SHISA6: variants seen among roughly 807,000 people sequenced by gnomAD.
The protein encoded by SHISA6 is protein shisa-6.
SHISA6 carries 22 observed loss-of-function variants against 47.9 expected under a neutral mutation model. The observed-to-expected ratio is 0.46, with a 90% CI of 0.33 to 0.66. The LOEUF (loss-of-function observed/expected upper bound fraction) is 0.66, where lower values mean the gene tolerates loss of function less well. Among genes scored for constraint, SHISA6 ranks in the 30% least tolerant of loss-of-function variants. SHISA6 has a pLI of 0.02. For missense variants in SHISA6, 680 were observed against 764.6 expected, an observed-to-expected ratio of 0.89 and a Z score of 1.30; for synonymous variants, 388 against 337.8, an observed-to-expected ratio of 1.15 and a Z score of -1.63.
At chr17:11,461,941 T>A (rs1349217842) in intron 3 of SHISA6, among the ~76,000 whole-genome samples, 1 of 152,120 alleles carries the variant, frequency 6.6e-6, no homozygotes, top group African/African-American at 2.4e-5. Flanking sequence ...TACAGAAAAT[T>A]TAAAAATATA....
rs370006125 is a variant in SHISA6 at position 11,509,618 on chromosome 17, C to T, written c.896-42278C>T. ...CCTTGGCCTCCCAGTCTCTCCAAAA[C>T]TCCTGCCCTAACTGAAGGTCTTTTG... On this transcript the variant is annotated intron_variant, in intron 3 of 5. Coordinates refer to ENST00000441885, the MANE Select transcript of SHISA6 (RefSeq NM_207386.4). Among the ~76,000 whole-genome samples the T allele has an allele frequency of 4.6e-5, 7 of 152,190 alleles. No homozygotes were observed. The East Asian group carries it at 5.8e-4, about 13-fold the overall frequency.
At chr17:11,556,186 G>C (rs535540988) in intron 5 of SHISA6, among the ~76,000 whole-genome samples, 2 of 152,256 alleles carry the variant, frequency 1.3e-5, no homozygotes, top group Non-Finnish European at 2.9e-5. Flanking sequence ...CCTTCTCCCA[G>C]TCCCGCACGC....
chr17:11,502,408 C>CAAA (rs33980148), intron 3 of SHISA6, among the ~76,000 whole-genome samples: 735 of 33,890 alleles, frequency 0.022, 48 homozygotes, highest in Non-Finnish European at 0.025. Flanking sequence ...GACTCCGTCT[C>CAAA]AAAAAAAAAA....
intron 2 of SHISA6, among the ~76,000 whole-genome samples, chr17:11,351,404 C>G (rs1209534535): frequency 6.6e-6 from 1 of 152,180 alleles, no homozygotes; most frequent in Non-Finnish European, 1.5e-5. Context: ...AAACAATTAT[C>G]TACATATTGT....
intron 2 of SHISA6, among the ~76,000 whole-genome samples, chr17:11,274,258 C>G (rs1908792704): frequency 6.6e-6 from 1 of 152,220 alleles, no homozygotes; most frequent in African/African-American, 2.4e-5. Flanking sequence ...GCTCACTAAT[C>G]ACTCACCCCT....
At position 11,559,174 on chromosome 17, in the gene SHISA6, C is replaced by T. The variant is rs2072015134; in HGVS notation, c.*870C>T. The T allele has an allele frequency of 6.5e-6, 1 of 152,680 alleles. No homozygotes were observed. Among genetic ancestry groups the T allele is most frequent in the Non-Finnish European group, 1.5e-5 (1 of 68,376 alleles). The allele number at this position is 152,680 out of a possible 1,614,324, so 9.5% of individuals were successfully genotyped here. A position where few individuals can be genotyped will look rare whatever the true frequency, so the allele number is the denominator to read the frequency against. Reference sequence around the variant, plus strand: ...AGTAGCAATGGGGTGCTGGCCCTCCCAGACACCCGATCATCTCCGCACTCC... The same window carrying T: ...AGTAGCAATGGGGTGCTGGCCCTCCTAGACACCCGATCATCTCCGCACTCC... On this transcript the variant is annotated 3_prime_UTR_variant, in exon 6 of 6. Transcript: ENST00000441885. This position sits in a 1 kb window ranked among gnomAD's most constrained non-coding sequence, Gnocchi z 4.4.
intron 2 of SHISA6, among the ~76,000 whole-genome samples, chr17:11,374,100 G>A (rs1912711171): frequency 6.6e-6 from 1 of 152,204 alleles, no homozygotes; most frequent in Admixed American, 6.5e-5. Context: ...TGAGTGTGAA[G>A]TGATACCTCA....
At chr17:11,378,027 G>C (rs997907969) in intron 2 of SHISA6, among the ~76,000 whole-genome samples, 4 of 152,194 alleles carry the variant, frequency 2.6e-5, no homozygotes, top group Non-Finnish European at 4.4e-5. Flanking sequence ...ACATGCATTA[G>C]CTGTCTGTTC....
At chr17:11,446,393 C>T (rs1482446379) in intron 3 of SHISA6, among the ~76,000 whole-genome samples, 3 of 152,168 alleles carry the variant, frequency 2.0e-5, no homozygotes, top group Non-Finnish European at 4.4e-5. Context: ...AGACTCAGAG[C>T]CTTAGGAACT....
rs34898125 is a variant in SHISA6, at chr17:11,493,581, G to GCACA, written c.896-58302_896-58299dup. Among the ~76,000 whole-genome samples, 853 of 148,862 alleles carry GCACA rather than the reference G, an allele frequency of 5.7e-3. 1 individual carries two copies. The highest frequency in any genetic ancestry group is 9.0e-3 in the Non-Finnish European group (602 of 66,778). ...ACCATGTGGATACACGCGTGCGCGC[G>GCACA]CACACACACACACACATACACACAC... On this transcript the variant is annotated intron_variant, in intron 3 of 5. Transcript: ENST00000441885.
chr17:11,285,839 T>C lies in SHISA6; in HGVS notation c.799+22313T>C, dbSNP rs180960059. ...TGGCTCTGTGTCTCTCTCTCTCTCT[T>C]TTTTTTTTTTTTTTTGAGATGGAGT... On this transcript the variant is annotated intron_variant, in intron 2 of 5. Coordinates refer to ENST00000441885, the MANE Select transcript of SHISA6 (RefSeq NM_207386.4). Among the ~76,000 whole-genome samples the C allele has an allele frequency of 8.4e-3, 1,199 of 143,534 alleles. 14 individuals are homozygous for C. Among genetic ancestry groups the C allele is most frequent in the African/African-American group, 0.03 (1,116 of 37,310 alleles). The allele number at this position is 143,534 out of a possible 152,430, so 94.2% of individuals were successfully genotyped here.
At chr17:11,258,860 ACT>A (rs1908118599) in intron 1 of SHISA6, among the ~76,000 whole-genome samples, 1 of 152,148 alleles carries the variant, frequency 6.6e-6, no homozygotes, top group East Asian at 1.9e-4. Context: ...ACGATTAAAC[ACT>A]CTCTAAAATC....
intron 3 of SHISA6, among the ~76,000 whole-genome samples, chr17:11,538,456 CG>C (rs2071805859): frequency 6.6e-6 from 1 of 152,036 alleles, no homozygotes; most frequent in South Asian, 2.1e-4. Flanking sequence ...AGGCAAGCAC[CG>C]AGGAATAGGG....
At chr17:11,367,819 C>G (rs1912505890) in intron 2 of SHISA6, among the ~76,000 whole-genome samples, 1 of 152,176 alleles carries the variant, frequency 6.6e-6, no homozygotes, top group South Asian at 2.1e-4. Context: ...AATGAAATCA[C>G]CTTCCTACTG....
intron 1 of SHISA6, among the ~76,000 whole-genome samples, chr17:11,249,100 T>C (rs973615944): frequency 7.0e-6 from 1 of 141,986 alleles, no homozygotes; most frequent in Non-Finnish European, 1.5e-5. Flanking sequence ...ATCGCGCCAC[T>C]GCACTCCAGC....
intron 2 of SHISA6, among the ~76,000 whole-genome samples, chr17:11,269,314 A>C (rs950472132): frequency 2.0e-5 from 3 of 152,188 alleles, no homozygotes; most frequent in African/African-American, 7.2e-5. Context: ...TGCTGGGATT[A>C]CAGGCGTGAA....
chr17:11,294,586 AT>A (rs1238146594), intron 2 of SHISA6, among the ~76,000 whole-genome samples: 5 of 152,058 alleles, frequency 3.3e-5, no homozygotes, highest in Admixed American at 6.6e-5. Context: ...GACAATATAT[AT>A]TTTTTTCATA....
intron 3 of SHISA6, among the ~76,000 whole-genome samples, chr17:11,421,442 A>T (rs1914448640): frequency 6.6e-6 from 1 of 152,196 alleles, no homozygotes; most frequent in Admixed American, 6.5e-5. Context: ...GGGGTTGTAC[A>T]GTTCAAGGGC....
At chr17:11,427,915 C>A (rs1354725298) in intron 3 of SHISA6, among the ~76,000 whole-genome samples, 1 of 152,046 alleles carries the variant, frequency 6.6e-6, no homozygotes, top group East Asian at 1.9e-4. Flanking sequence ...CTCCAGCTGC[C>A]CCTAGTCTAC....
Sources: allele counts gnomAD v4.1 joint callset (sites outside exome capture counted in the v4.1 genomes callset), GRCh38; gene constraint gnomAD v4.1.1; non-coding constraint Gnocchi (gnomAD v3.1); transcripts MANE v1.5; gene names NCBI Gene and HGNC (gene_info 2026-07-23, HGNC 2026-07-21).